OR9Q1: variants seen among roughly 807,000 people sequenced by gnomAD.
OR9Q1 encodes olfactory receptor family 9 subfamily Q member 1, also known as olfactory receptor 9Q1.
For synonymous variants in OR9Q1, 153 were observed against 148.6 expected, an observed-to-expected ratio of 1.03 and a Z score of -0.22; for missense variants, 374 against 378.8, an observed-to-expected ratio of 0.99 and a Z score of 0.11.
At chr11:58,123,212 GC>G (rs1490820851) in intron 2 of OR9Q1, among the ~76,000 whole-genome samples, 6 of 152,142 alleles carry the variant, frequency 3.9e-5, no homozygotes, top group Non-Finnish European at 8.8e-5. Context: ...TCTGCTTTCA[GC>G]TATAAATTTG....
chr11:58,036,219 T>C (rs1853099347), intron 1 of OR9Q1, among the ~76,000 whole-genome samples: 1 of 152,186 alleles, frequency 6.6e-6, no homozygotes, highest in African/African-American at 2.4e-5. Flanking sequence ...TCCGACTGCT[T>C]CACTGAGTAA....
At chr11:58,037,034 A>G (rs1459521998) in intron 1 of OR9Q1, among the ~76,000 whole-genome samples, 1 of 152,174 alleles carries the variant, frequency 6.6e-6, no homozygotes, top group Non-Finnish European at 1.5e-5. Context: ...ATTTTTCACA[A>G]AAAGAAGAGT....
intron 2 of OR9Q1, among the ~76,000 whole-genome samples, chr11:58,101,615 T>A (rs1853784098): frequency 1.3e-5 from 2 of 152,230 alleles, no homozygotes; most frequent in Admixed American, 6.5e-5. Context: ...TTTCTTTTGC[T>A]GTACAGAGCG....
chr11:58,027,510 T>C, intron 1 of OR9Q1, among the ~76,000 whole-genome samples: 1 of 152,170 alleles, frequency 6.6e-6, no homozygotes, highest in Non-Finnish European at 1.5e-5. Flanking sequence ...GAAGAATATG[T>C]GGCGGAAACT....
intron 2 of OR9Q1, among the ~76,000 whole-genome samples, chr11:58,066,182 G>A (rs1054021405): frequency 2.0e-5 from 3 of 147,906 alleles, no homozygotes; most frequent in South Asian, 4.5e-4. Flanking sequence ...TGGCTGCTCC[G>A]GAGGCTGCTG....
chr11:58,100,764 C>T (rs1382491871), intron 2 of OR9Q1, among the ~76,000 whole-genome samples: 2 of 151,964 alleles, frequency 1.3e-5, no homozygotes, highest in African/African-American at 4.8e-5. Context: ...TCTAGGTGGT[C>T]ATCAATGGAT....
intron 2 of OR9Q1, among the ~76,000 whole-genome samples, chr11:58,112,427 A>G (rs1354751543): frequency 1.3e-5 from 2 of 152,222 alleles, no homozygotes; most frequent in South Asian, 2.1e-4. Flanking sequence ...ACTGATAGCT[A>G]TGTCTCACTA....
chr11:58,032,198 A>T (rs1853048604), intron 1 of OR9Q1, among the ~76,000 whole-genome samples: 1 of 152,226 alleles, frequency 6.6e-6, no homozygotes, highest in Non-Finnish European at 1.5e-5. Flanking sequence ...CAATCCGCAG[A>T]TTCAATGCTA....
intron 2 of OR9Q1, among the ~76,000 whole-genome samples, chr11:58,086,305 C>T (rs1290692584): frequency 6.6e-6 from 1 of 151,758 alleles, no homozygotes; most frequent in Non-Finnish European, 1.5e-5. Context: ...AGTGAAACCA[C>T]AATGGAATAT....
At chr11:58,134,657 G>T (rs763623306) in intron 2 of OR9Q1, among the ~76,000 whole-genome samples, 1 of 152,166 alleles carries the variant, frequency 6.6e-6, no homozygotes, top group Admixed American at 6.5e-5. Context: ...TTACAGGATT[G>T]CAAAATGAGG....
intron 2 of OR9Q1, among the ~76,000 whole-genome samples, chr11:58,059,685 CTCAAAAAAAA>C (rs1415973756): frequency 3.3e-5 from 1 of 30,040 alleles, no homozygotes; most frequent in African/African-American, 1.1e-4. Context: ...GAGGCTCTGT[CTCAAAAAAAA>C]AAAAAAAAAA....
chr11:58,169,528 A>G (rs1854535863), intron 2 of OR9Q1, among the ~76,000 whole-genome samples: 2 of 152,124 alleles, frequency 1.3e-5, no homozygotes, highest in African/African-American at 4.8e-5. Flanking sequence ...TACAGTTTTA[A>G]TACAGGTGTG....
At chr11:58,114,761 GA>G (rs1277269151) in intron 2 of OR9Q1, among the ~76,000 whole-genome samples, 1 of 152,166 alleles carries the variant, frequency 6.6e-6, no homozygotes, top group Admixed American at 6.5e-5. Flanking sequence ...ACACATTACA[GA>G]TGAGGAAGCA....
At chr11:58,031,974 G>C in intron 1 of OR9Q1, 4 of 865,496 alleles carry the variant, frequency 4.6e-6, no homozygotes, top group Non-Finnish European at 7.2e-6. Context: ...TAACATTTAA[G>C]CTGAGACCAA....
chr11:58,060,923 T>C (rs982542445), intron 2 of OR9Q1, among the ~76,000 whole-genome samples: 4 of 152,168 alleles, frequency 2.6e-5, no homozygotes, highest in African/African-American at 9.6e-5. Context: ...TCTTAATTCT[T>C]GGTTCATGCC....
At chr11:58,135,451 A>T (rs1015677743) in intron 2 of OR9Q1, among the ~76,000 whole-genome samples, 1 of 152,092 alleles carries the variant, frequency 6.6e-6, no homozygotes, top group Non-Finnish European at 1.5e-5. Context: ...GTCCACCCTG[A>T]CACATTGAAT....
At chr11:58,088,880 T>C (rs1216482178) in intron 2 of OR9Q1, among the ~76,000 whole-genome samples, 1 of 151,324 alleles carries the variant, frequency 6.6e-6, no homozygotes, top group East Asian at 1.9e-4. Context: ...AATTGCTTCT[T>C]TTTTTTTGTT....
chr11:58,159,454 TA>T (rs71061579), intron 2 of OR9Q1, among the ~76,000 whole-genome samples: 1,725 of 147,262 alleles, frequency 0.012, 41 homozygotes, highest in African/African-American at 0.04. Context: ...TTACAGAAGT[TA>T]AAAAAAAAAA....
intron 2 of OR9Q1, among the ~76,000 whole-genome samples, chr11:58,068,637 C>T (rs973178363): frequency 6.6e-6 from 1 of 152,128 alleles, no homozygotes; most frequent in Non-Finnish European, 1.5e-5. Context: ...CCTTCCCTGC[C>T]CACTTGGCTG....
Sources: allele counts gnomAD v4.1 joint callset (sites outside exome capture counted in the v4.1 genomes callset), GRCh38; gene constraint gnomAD v4.1.1; transcripts MANE v1.5; gene names NCBI Gene and HGNC (gene_info 2026-07-23, HGNC 2026-07-21).